ACAD9: variants seen among roughly 807,000 people sequenced by gnomAD.
ACAD9 encodes the protein acyl-CoA dehydrogenase family member 9, also known as complex I assembly factor ACAD9, mitochondrial.
ACAD9 carries 53 observed loss-of-function variants against 70.2 expected under a neutral mutation model. That is an observed-to-expected ratio of 0.75 (90% CI 0.61 to 0.95). The LOEUF is 0.95. Ranked by LOEUF, ACAD9 falls within the 40% of genes least tolerant of loss-of-function variation. The pLI is 0.00. For synonymous variants in ACAD9, 313 were observed against 312.1 expected (o/e 1.00, Z -0.03); for missense variants, 777 against 802.8 (o/e 0.97, Z 0.39).
intron 9 of ACAD9, among the ~76,000 whole-genome samples, chr3:128,903,517 G>A (rs977449995): frequency 3.9e-5 from 6 of 152,172 alleles, no homozygotes; most frequent in Non-Finnish European, 7.4e-5. Context: ...TGGCTATGGC[G>A]GGGCGGGGGT....
At chr3:128,901,381 G>C in intron 8 of ACAD9, 32 bp downstream of exon 8, 1 of 1,612,434 alleles carries the variant, frequency 6.2e-7, no homozygotes, top group Non-Finnish European at 8.5e-7. Flanking sequence ...CTTGTACCAG[G>C]TAGTGTCATG....
At chr3:128,889,232 T>C (rs1935342274) in intron 2 of ACAD9, among the ~76,000 whole-genome samples, 1 of 152,062 alleles carries the variant, frequency 6.6e-6, no homozygotes, top group African/African-American at 2.4e-5. Context: ...CAGGCTGGTT[T>C]CCAACTCCTG....
chr3:128,891,644 T>C (rs971365635), intron 2 of ACAD9, among the ~76,000 whole-genome samples: 1 of 152,118 alleles, frequency 6.6e-6, no homozygotes, highest in African/African-American at 2.4e-5. Flanking sequence ...AAAAGAAAAG[T>C]CTGTTTCATC....
intron 12 of ACAD9, 148 bp downstream of exon 12, chr3:128,906,397 C>A: frequency 8.0e-7 from 1 of 1,252,520 alleles, no homozygotes; most frequent in Non-Finnish European, 1.1e-6. Flanking sequence ...ACGTCTCCTT[C>A]CCGACTGCTG....
Position 128,908,210 on chromosome 3 carries a change from A to C in ACAD9, c.1304A>C (p.Tyr435Ser), listed in dbSNP as rs769691810. Reference protein sequence around the residue: ...FEGTNEILRMYIALTGLQHAG... With the variant: ...FEGTNEILRMSIALTGLQHAG... The stretch of plus-strand genomic sequence containing the variant: ...GGAACCAATGAGATTCTCCGGATGT[A>C]CATCGCCCTGACGGGTCTGCAGCAT... Residue 435 changes from tyrosine to serine, a missense_variant, in exon 13 of 18, where the codon TAC becomes TCC. Transcript: ENST00000308982. The C allele has an allele frequency of 6.2e-7, 1 of 1,614,196 alleles. No homozygotes were observed. Among genetic ancestry groups the C allele is most frequent in the Non-Finnish European group, 8.5e-7 (1 of 1,180,028 alleles).
intron 15 of ACAD9, 86 bp from the exon 16 acceptor site, chr3:128,909,935 G>C: frequency 6.4e-7 from 1 of 1,572,538 alleles, no homozygotes; most frequent in South Asian, 1.2e-5. Context: ...AGGAGACTAA[G>C]ACAGGCAAAG....
chr3:128,887,436 T>C (rs1051017548), intron 2 of ACAD9, among the ~76,000 whole-genome samples: 5 of 151,662 alleles, frequency 3.3e-5, no homozygotes, highest in Admixed American at 3.3e-4. Context: ...CGAAACCCTG[T>C]CTCTACTAAA....
intron 7 of ACAD9, 62 bp downstream of exon 7, chr3:128,899,523 GGTGTGTGTGTGTGTGTGTGTGTGTGTGT>G (rs63473460): frequency 1.5e-5 from 16 of 1,068,766 alleles, no homozygotes; most frequent in Non-Finnish European, 2.0e-5. Flanking sequence ...GGCCTTTGAC[GGTGTGTGTGTGTGTGTGTGTGTGTGTGT>G]GTGTGTGTGT....
intron 1 of ACAD9, among the ~76,000 whole-genome samples, chr3:128,884,269 T>C (rs1326724059): frequency 6.6e-6 from 1 of 152,110 alleles, no homozygotes; most frequent in Non-Finnish European, 1.5e-5. Context: ...AAAGGGGTAG[T>C]TTAGAGAGCT....
chr3:128,903,660 G>A (rs1490950927), intron 9 of ACAD9, among the ~76,000 whole-genome samples: 2 of 152,224 alleles, frequency 1.3e-5, no homozygotes, highest in Non-Finnish European at 2.9e-5. Flanking sequence ...CACTGCACGG[G>A]GTGTGAGCCT....
chr3:128,908,887 G>C, intron 13 of ACAD9, 86 bp from the exon 14 acceptor site: 1 of 1,607,444 alleles, frequency 6.2e-7, no homozygotes. Flanking sequence ...GGGGCACGGA[G>C]CTTCTGGGTG....
rs751547375 is a variant in ACAD9, at chr3:128,893,587, A to G, written c.277A>G (p.Ile93Val). 11 of 1,614,142 alleles carry G rather than the reference A, an allele frequency of 6.8e-6. No homozygotes were observed. In the South Asian group the frequency reaches 1.2e-4, roughly 18 times the overall value. ...DSRKIDQEGK[I>V]PDETLEKLKS... is the part of the protein sequence containing the mutation. ...CCGAAAAATTGACCAGGAAGGGAAA[A>G]TCCCAGATGAAACTTTGGAGAAATT... Residue 93 changes from isoleucine (I) to valine (V), a missense_variant, in exon 3 of 18, where the codon ATC becomes GTC. Coordinates refer to ENST00000308982, the MANE Select transcript of ACAD9 (RefSeq NM_014049.5).
chr3:128,879,626 CGT>C lies in ACAD9; in HGVS notation c.-57_-56del, dbSNP rs397874507. On this transcript the variant is annotated 5_prime_UTR_variant, in exon 1 of 18. Transcript: ENST00000308982. Reference sequence around the variant, plus strand: ...GTCGCGGGCCAGTAACGTCATCAGACGTGTGTGTGTCCCTGCGGCGCTAAGAA... The same window carrying C: ...GTCGCGGGCCAGTAACGTCATCAGACGTGTGTGTCCCTGCGGCGCTAAGAA... 0.31 allele frequency: 494,539 copies of C among 1,585,160 alleles called. 83,489 individuals carry two copies. The highest frequency in any genetic ancestry group is 0.63 in the African/African-American group (46,428 of 74,138).
rs1253500635 is a variant in ACAD9, at chr3:128,906,092, T to C, written c.1150-29T>C. ...CTCCCTGCAGCGTAGGTCCTCCTTT[T>C]GGAAAGGATTCAGTGTGACACCCCA... On this transcript the variant is annotated intron_variant, in intron 11 of 17. Transcript: ENST00000308982. 2.5e-6 allele frequency: 4 copies of C among 1,613,906 alleles called. No homozygotes were observed. In the African/African-American group the frequency reaches 5.3e-5, roughly 22 times the overall value.
At position 128,902,314 on chromosome 3, in the gene ACAD9, C is replaced by T. The variant is rs920783693; in HGVS notation, c.883-239C>T. ...TTGGCCTTCCAAAATGCTGGTACTACAGGTGGGAGCCACCATGCCCAGCTC... is the reference window on the plus strand; with the variant it reads ...TTGGCCTTCCAAAATGCTGGTACTATAGGTGGGAGCCACCATGCCCAGCTC... On this transcript the variant is annotated intron_variant, in intron 8 of 17. Coordinates refer to ENST00000308982, the MANE Select transcript of ACAD9 (RefSeq NM_014049.5). This position sits in a 1 kb window ranked among gnomAD's most constrained non-coding sequence, Gnocchi z 4.0. Among the ~76,000 whole-genome samples, 1 of 152,234 alleles carries T rather than the reference C, an allele frequency of 6.6e-6. No homozygotes were observed. Among genetic ancestry groups the T allele is most frequent in the Non-Finnish European group, 1.5e-5 (1 of 68,038 alleles).
rs866688232 is a variant in ACAD9 at position 128,909,043 on chromosome 3, C to T, written c.1429C>T (p.Arg477Ter). 1.2e-6 allele frequency: 2 copies of T among 1,614,106 alleles called. No individual in the cohort carries two copies. The highest frequency in any genetic ancestry group is 1.7e-6 in the Non-Finnish European group (2 of 1,180,016). ...VGRRLRDSLGRTVDLGLTGNH... is the reference protein window; with the variant it reads ...VGRRLRDSLG ...CCGGAGGCTTCGGGACTCCCTGGGC[C>T]GAACTGTGGACCTGGGGCTGACAGG... The change falls in exon 14 of 18, where the codon CGA becomes TGA. Residue 477 changes from arginine to a stop codon, truncating the protein, a stop_gained. Transcript: ENST00000308982. LOFTEE classifies it high-confidence loss of function.
intron 2 of ACAD9, among the ~76,000 whole-genome samples, chr3:128,886,504 T>C (rs1339212564): frequency 6.6e-6 from 1 of 151,478 alleles, no homozygotes; most frequent in Admixed American, 6.6e-5. Flanking sequence ...AGGTCGGGAG[T>C]TCGATACCAG....
At chr3:128,895,702 G>A (rs1935550977) in intron 4 of ACAD9, among the ~76,000 whole-genome samples, 2 of 127,306 alleles carry the variant, frequency 1.6e-5, no homozygotes, top group Non-Finnish European at 3.1e-5. Context: ...CACTGCCTTC[G>A]CCTTGGGCTG....
chr3:128,908,313 C>A, intron 13 of ACAD9, 49 bp downstream of exon 13: 1 of 1,602,118 alleles, frequency 6.2e-7, no homozygotes, highest in Non-Finnish European at 8.5e-7. Context: ...ACCTGCCCAG[C>A]AGGGGCCAGT....
Sources: gnomAD v4.1 joint callset for allele counts (sites outside exome capture counted in the v4.1 genomes callset) on GRCh38, gnomAD v4.1.1 for gene constraint, Gnocchi (gnomAD v3.1) non-coding constraint, MANE v1.5 for transcripts, NCBI Gene and HGNC (gene_info 2026-07-23, HGNC 2026-07-21) for gene names.